ZFPM2: variants seen among roughly 807,000 people sequenced by gnomAD.
ZFPM2 encodes the protein zinc finger protein, FOG family member 2, also known as zinc finger protein ZFPM2.
Under a neutral mutation model 98.6 loss-of-function variants are expected in ZFPM2, and 20 were observed. The ratio of observed to expected loss-of-function variants is 0.20; its 90% CI spans 0.14 to 0.29. The LOEUF (loss-of-function observed/expected upper bound fraction) is 0.29. Among genes scored for constraint, ZFPM2 ranks in the 10% least tolerant of loss-of-function variants. The pLI, the probability that ZFPM2 is intolerant of heterozygous loss-of-function variation, is 1.00. For synonymous variants in ZFPM2, 518 were observed against 502.7 expected (o/e 1.03, Z -0.41); for missense variants, 1,310 against 1,388.6 (o/e 0.94, Z 0.90).
chr8:105,494,618 T>A (rs1813424627), intron 3 of ZFPM2, among the ~76,000 whole-genome samples: 2 of 152,168 alleles, frequency 1.3e-5, no homozygotes, highest in Non-Finnish European at 2.9e-5. Context: ...TTACTGATTC[T>A]CAAAGTGTGG....
At chr8:105,472,065 A>G (rs1812915170) in intron 3 of ZFPM2, among the ~76,000 whole-genome samples, 1 of 152,212 alleles carries the variant, frequency 6.6e-6, no homozygotes, top group Admixed American at 6.5e-5. Context: ...GAGAACCTGT[A>G]TAGACACCTG....
intron 5 of ZFPM2, among the ~76,000 whole-genome samples, chr8:105,643,561 G>A (rs1360092892): frequency 1.3e-5 from 2 of 152,078 alleles, no homozygotes; most frequent in African/African-American, 2.4e-5. Context: ...GGTCCACAAT[G>A]AGTACTATAT....
chr8:105,528,045 G>A (rs909176564), intron 3 of ZFPM2, among the ~76,000 whole-genome samples: 1 of 152,122 alleles, frequency 6.6e-6, no homozygotes, highest in African/African-American at 2.4e-5. Context: ...CTGCAGAAGG[G>A]GAGATAGAAT....
At position 105,673,231 on chromosome 8, in the gene ZFPM2, C is replaced by A. The variant is rs370945939; in HGVS notation, c.532+38874C>A. ...TTACCGATCGTACTTACTTATATACCTTGTCTAAAATTTAGTAACAATCAA... is the reference window on the plus strand; with the variant it reads ...TTACCGATCGTACTTACTTATATACATTGTCTAAAATTTAGTAACAATCAA... On this transcript the variant is annotated intron_variant, in intron 5 of 7. Coordinates refer to ENST00000407775, the MANE Select transcript of ZFPM2 (RefSeq NM_012082.4). Among the ~76,000 whole-genome samples the A allele has an allele frequency of 1.6e-3, 190 of 117,352 alleles. 1 individual carries two copies. The highest frequency in any genetic ancestry group is 6.0e-3 in the African/African-American group (178 of 29,610). 77.0% of individuals were successfully genotyped at this position (117,352 alleles called of 152,430 possible). A position where few individuals can be genotyped will look rare whatever the true frequency, so the allele number is the denominator to read the frequency against.
chr8:105,792,995 G>T (rs1813669139), intron 6 of ZFPM2, among the ~76,000 whole-genome samples: 1 of 152,020 alleles, frequency 6.6e-6, no homozygotes, highest in South Asian at 2.1e-4. Flanking sequence ...ATGTGAGATG[G>T]GTTTCCTGAA....
rs186511234 is a variant in ZFPM2 at position 105,605,033 on chromosome 8, T to G, written c.421-29213T>G. Among the ~76,000 whole-genome samples, 1,046 of 152,278 alleles carry G rather than the reference T, an allele frequency of 6.9e-3. 4 individuals are homozygous for G. Among genetic ancestry groups the G allele is most frequent in the Non-Finnish European group, 0.011 (726 of 68,010 alleles). On this transcript the variant is annotated intron_variant, in intron 4 of 7. Transcript: ENST00000407775. ...GCTTAAAGCAGAGTTCAATAAATCT[T>G]AATTTTCATTGCCATTCTCATTCTC...
chr8:105,680,834 T>C (rs1441459398), intron 5 of ZFPM2, among the ~76,000 whole-genome samples: 3 of 152,084 alleles, frequency 2.0e-5, no homozygotes, highest in African/African-American at 4.8e-5. Flanking sequence ...TATATTCTTA[T>C]AACATGAAAG....
intron 5 of ZFPM2, among the ~76,000 whole-genome samples, chr8:105,722,711 G>C (rs560197941): frequency 6.6e-6 from 1 of 151,924 alleles, no homozygotes; most frequent in South Asian, 2.1e-4. Context: ...GTGAGGAGAA[G>C]GAGGAAGATG....
intron 5 of ZFPM2, among the ~76,000 whole-genome samples, chr8:105,695,698 G>T (rs1811002904): frequency 2.0e-5 from 3 of 152,104 alleles, no homozygotes; most frequent in African/African-American, 4.8e-5. Context: ...TATTTTTGCA[G>T]GTTGGAGACA....
intron 4 of ZFPM2, among the ~76,000 whole-genome samples, chr8:105,603,389 T>G (rs760435488): frequency 6.6e-6 from 1 of 152,104 alleles, no homozygotes; most frequent in Non-Finnish European, 1.5e-5. Flanking sequence ...ATCAAGGATA[T>G]TAATGTACAA....
intron 3 of ZFPM2, among the ~76,000 whole-genome samples, chr8:105,496,674 T>G (rs1225319362): frequency 6.5e-5 from 2 of 30,910 alleles, no homozygotes; most frequent in Non-Finnish European, 1.3e-4. Flanking sequence ...GTTTTTTTGG[T>G]TTTTTTTTTT....
In ZFPM2 at chr8:105,738,956, T is replaced by C. The variant is rs550013640; in HGVS notation, c.533-49762T>C. Among the ~76,000 whole-genome samples the C allele has an allele frequency of 2.0e-5, 3 of 152,226 alleles. No homozygotes were observed. The South Asian group carries it at 6.2e-4, about 32-fold the overall frequency. ...TAGGTCTTCATTCAGAACTCATGCA[T>C]TTTTTCTTAATTTAGGCACAATCTA... On this transcript the variant is annotated intron_variant, in intron 5 of 7. Transcript: ENST00000407775.
chr8:105,783,892 G>A (rs1181111130), intron 5 of ZFPM2, among the ~76,000 whole-genome samples: 5 of 151,882 alleles, frequency 3.3e-5, no homozygotes, highest in African/African-American at 9.7e-5. Flanking sequence ...CCTTTCTTTT[G>A]AATATATATC....
intron 1 of ZFPM2, among the ~76,000 whole-genome samples, chr8:105,414,377 C>A (rs1811637399): frequency 6.6e-6 from 1 of 151,878 alleles, no homozygotes; most frequent in African/African-American, 2.4e-5. Context: ...TTTGAATTTA[C>A]CTGAACAAAG....
intron 4 of ZFPM2, among the ~76,000 whole-genome samples, chr8:105,612,613 C>T (rs1359399819): frequency 6.6e-6 from 1 of 152,118 alleles, no homozygotes; most frequent in Non-Finnish European, 1.5e-5. Context: ...AACATAATAA[C>T]AAGATTGTTG....
chr8:105,620,205 C>G (rs1222800166), intron 4 of ZFPM2, among the ~76,000 whole-genome samples: 1 of 152,158 alleles, frequency 6.6e-6, no homozygotes, highest in Non-Finnish European at 1.5e-5. Flanking sequence ...GGTTTCCTGA[C>G]TTTTTAATGA....
intron 4 of ZFPM2, among the ~76,000 whole-genome samples, chr8:105,583,913 G>A (rs1815656066): frequency 6.6e-6 from 1 of 152,106 alleles, no homozygotes; most frequent in Non-Finnish European, 1.5e-5. Context: ...ACAGACTACT[G>A]TAGTCATAAG....
At chr8:105,633,109 G>C (rs1428076457) in intron 4 of ZFPM2, among the ~76,000 whole-genome samples, 1 of 152,170 alleles carries the variant, frequency 6.6e-6, no homozygotes, top group East Asian at 1.9e-4. Flanking sequence ...GGTGAAATGG[G>C]TTTTCCAGAT....
At chr8:105,768,475 A>G (rs2920044) in intron 5 of ZFPM2, among the ~76,000 whole-genome samples, 4,016 of 152,014 alleles carry the variant, frequency 0.026, 92 homozygotes, top group Non-Finnish European at 0.039. Flanking sequence ...TCACATGTGA[A>G]TTACACTCCA....
Sources: allele counts gnomAD v4.1 joint callset (sites outside exome capture counted in the v4.1 genomes callset), GRCh38; gene constraint gnomAD v4.1.1; transcripts MANE v1.5; gene names NCBI Gene and HGNC (gene_info 2026-07-23, HGNC 2026-07-21).